TK2: variants seen among roughly 807,000 people sequenced by gnomAD.
The protein encoded by TK2 is thymidine kinase 2, mitochondrial.
In TK2, 35 loss-of-function variants were observed where a neutral mutation model predicts 41.9. The observed-to-expected ratio is 0.84, with a 90% confidence interval of 0.64 to 1.11. The LOEUF is 1.11. Ranked by LOEUF, TK2 falls within the 50% of genes least tolerant of loss-of-function variation. The pLI, the probability that TK2 is intolerant of heterozygous loss-of-function variation, is 0.00. For missense variants in TK2, 320 were observed against 351.1 expected (o/e 0.91, Z 0.71); for synonymous variants, 128 against 129.1 (o/e 0.99, Z 0.06).
intron 1 of TK2, chr16:66,549,570 CT>C: frequency 9.3e-7 from 1 of 1,080,198 alleles, no homozygotes. Flanking sequence ...CTCCCCCACG[CT>C]GGCACCAGAG....
intron 6 of TK2, among the ~76,000 whole-genome samples, chr16:66,525,831 A>G (rs1211419451): frequency 6.6e-6 from 1 of 152,238 alleles, no homozygotes; most frequent in Non-Finnish European, 1.5e-5. Context: ...ATTGTCCCAC[A>G]GAAATCCTAA....
chr16:66,548,035 C>T, intron 2 of TK2: 2 of 1,051,906 alleles, frequency 1.9e-6, no homozygotes, highest in African/African-American at 3.3e-5. Context: ...GAGTTGGAGG[C>T]CAGCCTGGGC....
chr16:66,539,626 G>A (rs201740374), intron 3 of TK2, among the ~76,000 whole-genome samples: 10,109 of 144,668 alleles, frequency 0.07, 554 homozygotes, highest in South Asian at 0.17. Context: ...AAAAAAAAAG[G>A]AAGAAAAAGA....
chr16:66,540,028 G>A (rs1965408269), intron 3 of TK2, among the ~76,000 whole-genome samples: 2 of 152,174 alleles, frequency 1.3e-5, no homozygotes, highest in Admixed American at 1.3e-4. Context: ...TTGCAAGCAG[G>A]CATTTCTAAA....
Position 66,510,165 on chromosome 16 carries a change from A to G in TK2, c.*1803T>C, listed in dbSNP as rs1255372697. ...TTGGGTATCACAGAGCAAGAAAAAA[A>G]TCATGGGTACGTGGTCTCAGGACCT... On this transcript the variant is annotated 3_prime_UTR_variant, in exon 10 of 10. Transcript: ENST00000544898. 1 of 151,898 alleles carries G rather than the reference A, an allele frequency of 6.6e-6. No homozygotes were observed. Among genetic ancestry groups the G allele is most frequent in the Non-Finnish European group, 1.5e-5 (1 of 67,986 alleles). 9.4% of individuals were successfully genotyped at this position (151,898 alleles called of 1,614,324 possible). A position where few individuals can be genotyped will look rare whatever the true frequency, so the allele number is the denominator to read the frequency against.
chr16:66,549,808 C>T, intron 1 of TK2, 130 bp downstream of exon 1: 1 of 1,286,948 alleles, frequency 7.8e-7, no homozygotes, highest in Non-Finnish European at 9.8e-7. Flanking sequence ...CCCGTCCCAG[C>T]CGCAGCCGGG....
rs1964545527 is a variant in TK2 at position 66,514,407 on chromosome 16, T to C, written c.619-596A>G. 6.6e-6 allele frequency among the ~76,000 whole-genome samples: 1 copy of C among 152,250 alleles called. No homozygotes were observed. Among genetic ancestry groups the C allele is most frequent in the Non-Finnish European group, 1.5e-5 (1 of 68,046 alleles). ...AGGTGCCGGGATTGCAGACGGAGTC[T>C]GGTTCACTCAGTGCTCAATGTTGCC... On this transcript the variant is annotated intron_variant, in intron 8 of 9. Transcript: ENST00000544898. The surrounding 1 kb of genome is among the most constrained non-coding windows in gnomAD (Gnocchi z 4.2).
chr16:66,528,530 G>C (rs1350120460), intron 6 of TK2, among the ~76,000 whole-genome samples: 1 of 152,214 alleles, frequency 6.6e-6, no homozygotes, highest in Non-Finnish European at 1.5e-5. Flanking sequence ...ATGTGACCAT[G>C]TGATCTGCTT....
intron 6 of TK2, among the ~76,000 whole-genome samples, chr16:66,524,052 T>C (rs935967254): frequency 6.6e-6 from 1 of 152,128 alleles, no homozygotes; most frequent in African/African-American, 2.4e-5. Flanking sequence ...CCAGAAACCT[T>C]AAAAACAAAG....
chr16:66,529,941 C>T (rs1165551447), intron 5 of TK2, among the ~76,000 whole-genome samples: 3 of 152,216 alleles, frequency 2.0e-5, no homozygotes, highest in Admixed American at 2.0e-4. Flanking sequence ...GTCTGTCCAT[C>T]TCTCTCTGCC....
intron 6 of TK2, among the ~76,000 whole-genome samples, chr16:66,524,025 T>G (rs1288284210): frequency 6.6e-6 from 1 of 152,204 alleles, no homozygotes; most frequent in African/African-American, 2.4e-5. Flanking sequence ...TGCCTGATTC[T>G]TGGCCTAGGA....
rs557656715 is a variant in TK2, at chr16:66,547,555, C to T, written c.156+1423G>A. 2.0e-5 allele frequency among the ~76,000 whole-genome samples: 3 copies of T among 152,292 alleles called. No homozygotes were observed. In the South Asian group the frequency reaches 6.2e-4, roughly 32 times the overall value. On this transcript the variant is annotated intron_variant, in intron 2 of 9. Coordinates refer to ENST00000544898, the MANE Select transcript of TK2 (RefSeq NM_004614.5). ...CTGCCTCAAACTCTGCTCCATCTCC[C>T]AGCAGGCAATAAGGCTTCCCAAAGC...
At chr16:66,529,881 T>C (rs1324749892) in intron 5 of TK2, among the ~76,000 whole-genome samples, 1 of 152,190 alleles carries the variant, frequency 6.6e-6, no homozygotes, top group Admixed American at 6.5e-5. Flanking sequence ...CTTTCCTTAC[T>C]TCCTAGCTCC....
chr16:66,519,024 T>A (rs1964700207), intron 6 of TK2, among the ~76,000 whole-genome samples: 1 of 152,028 alleles, frequency 6.6e-6, no homozygotes, highest in South Asian at 2.1e-4. Context: ...TGCAGTAGTG[T>A]GATCTTGGCT....
rs373646585 is a variant in TK2, at chr16:66,512,005, C to T, written c.761G>A (p.Arg254Gln). 2 of 1,614,056 alleles carry T rather than the reference C, an allele frequency of 1.2e-6. No homozygotes were observed. The highest frequency in any genetic ancestry group is 2.2e-5 in the East Asian group (1 of 44,892). ...MLELFEQNRD[R>Q]ILTPENRKHC... ...CTTCCGATTCTCTGGAGTTAATATT[C>T]GATCCCGATTTTGTTCAAAGAGTTC... Residue 254 changes from arginine (R) to glutamine (Q), a missense_variant, in exon 10 of 10, where the codon CGA becomes CAA. Coordinates refer to ENST00000544898, the MANE Select transcript of TK2 (RefSeq NM_004614.5).
chr16:66,548,917 T>C (rs368500375), intron 2 of TK2, 61 bp downstream of exon 2: 11 of 1,512,700 alleles, frequency 7.3e-6, no homozygotes, highest in East Asian at 6.8e-5. Context: ...CTCTGCTTTT[T>C]TCTCTCTCCT....
Position 66,509,522 on chromosome 16 carries a change from A to G in TK2, c.*2446T>C, listed in dbSNP as rs1297062333. On this transcript the variant is annotated 3_prime_UTR_variant, in exon 10 of 10. Transcript: ENST00000544898. ...AAAAGCTGAAATAAATGCTAATTGA[A>G]AGAAAATGTATATGTGCAACAAAAA... is the stretch of plus-strand genomic sequence containing the variant. The G allele has an allele frequency of 1.3e-5, 2 of 152,256 alleles. No homozygotes were observed. Among genetic ancestry groups the G allele is most frequent in the African/African-American group, 2.4e-5 (1 of 41,470 alleles). The allele number at this position is 152,256 out of a possible 1,614,324, so 9.4% of individuals were successfully genotyped here.
chr16:66,517,367 ACTTTCATTCT>A lies in TK2; in HGVS notation c.539-162_539-153del. 1.3e-6 allele frequency: 1 copy of A among 762,604 alleles called. No homozygotes were observed. The highest frequency in any genetic ancestry group is 2.4e-6 in the Non-Finnish European group (1 of 421,890). 47.2% of individuals were successfully genotyped at this position (762,604 alleles called of 1,614,324 possible). On this transcript the variant is annotated intron_variant, in intron 7 of 9. Coordinates refer to ENST00000544898, the MANE Select transcript of TK2 (RefSeq NM_004614.5). The surrounding 1 kb of genome is among the most constrained non-coding windows in gnomAD (Gnocchi z 4.3). Reference sequence around the variant, plus strand: ...GCTTGACCACTGACCCTCCGCCTCGACTTTCATTCTCTTTCAGTGTCAGCGGCCCCGTGGG... The same window carrying A: ...GCTTGACCACTGACCCTCCGCCTCGACTTTCAGTGTCAGCGGCCCCGTGGG...
chr16:66,527,681 T>C (rs1964976130), intron 6 of TK2, among the ~76,000 whole-genome samples: 1 of 152,106 alleles, frequency 6.6e-6, no homozygotes, highest in Non-Finnish European at 1.5e-5. Flanking sequence ...GGTTAAACAA[T>C]TTCATATGAT....
Sources: gnomAD v4.1 joint callset for allele counts (sites outside exome capture counted in the v4.1 genomes callset) on GRCh38, gnomAD v4.1.1 for gene constraint, Gnocchi (gnomAD v3.1) non-coding constraint, MANE v1.5 for transcripts, NCBI Gene and HGNC (gene_info 2026-07-23, HGNC 2026-07-21) for gene names.